The following KCNQ1 variants were observed in gnomAD, a reference collection of about 807,000 sequenced individuals.
The protein encoded by KCNQ1 is potassium voltage-gated channel subfamily KQT member 1.
A neutral mutation model predicts 72.4 loss-of-function variants in KCNQ1; 49 were observed. The ratio of observed to expected loss-of-function variants is 0.68; its 90% CI spans 0.54 to 0.86. The LOEUF is 0.86. KCNQ1 is among the 40% of genes least tolerant of loss of function. The pLI, the probability that KCNQ1 is intolerant of heterozygous loss-of-function variation, is 0.00. For missense variants in KCNQ1, 790 were observed against 945.1 expected, an observed-to-expected ratio of 0.84 and a Z score of 2.15; for synonymous variants, 450 against 412.6, an observed-to-expected ratio of 1.09 and a Z score of -1.10.
In KCNQ1 at chr11:2,454,340, C is replaced by A. The variant is rs909815154; in HGVS notation, c.386+8856C>A. On this transcript the variant is annotated intron_variant, in intron 1 of 15. Transcript: ENST00000155840. ...TAATTTTTAAAAAGCTGTTCGTAAT[C>A]GCTTGGTGAAAAATCCCTAAATAAA... 2.0e-5 allele frequency among the ~76,000 whole-genome samples: 3 copies of A among 152,138 alleles called. No individual in the cohort carries two copies. The East Asian group carries it at 5.8e-4, about 29-fold the overall frequency.
intron 2 of KCNQ1, among the ~76,000 whole-genome samples, chr11:2,528,592 AG>A (rs1394559961): frequency 1.3e-5 from 2 of 152,210 alleles, no homozygotes; most frequent in African/African-American, 4.8e-5. Context: ...GGTGGGGTGC[AG>A]GGGGCCAGCT....
intron 2 of KCNQ1, among the ~76,000 whole-genome samples, chr11:2,542,813 C>T (rs923194860): frequency 2.6e-5 from 4 of 152,184 alleles, no homozygotes; most frequent in African/African-American, 7.2e-5. Context: ...ATTGTACGGA[C>T]GCATTGCAGT....
Position 2,536,110 on chromosome 11 carries a change from C to T in KCNQ1, c.477+8092C>T, listed in dbSNP as rs540297035. ...GCCACCCAGCCCCATGCACAGGCCA[C>T]GCGGCGACAGGGGCTGCTGAAGGAA... On this transcript the variant is annotated intron_variant, in intron 2 of 15. Coordinates refer to ENST00000155840, the MANE Select transcript of KCNQ1 (RefSeq NM_000218.3). The surrounding 1 kb of genome is among the most constrained non-coding windows in gnomAD (Gnocchi z 7.4). 5.9e-5 allele frequency among the ~76,000 whole-genome samples: 9 copies of T among 152,324 alleles called. No individual in the cohort carries two copies. The highest frequency in any genetic ancestry group is 1.7e-4 in the African/African-American group (7 of 41,584).
intron 15 of KCNQ1, among the ~76,000 whole-genome samples, chr11:2,801,857 G>A (rs1323240420): frequency 6.6e-6 from 1 of 152,212 alleles, no homozygotes; most frequent in Non-Finnish European, 1.5e-5. Context: ...GCAGTGACAG[G>A]GATGGTGTCC....
chr11:2,619,429 TC>T (rs1849126797), intron 10 of KCNQ1: 2 of 398,606 alleles, frequency 5.0e-6, no homozygotes, highest in Non-Finnish European at 8.8e-6. Flanking sequence ...ATTGAGATGA[TC>T]ATGTGGTTTT....
Position 2,830,148 on chromosome 11 carries a change from G to A in KCNQ1, c.1795-17619G>A, listed in dbSNP as rs1847917888. Among the ~76,000 whole-genome samples, 1 of 152,170 alleles carries A rather than the reference G, an allele frequency of 6.6e-6. No homozygotes were observed. Among genetic ancestry groups the A allele is most frequent in the African/African-American group, 2.4e-5 (1 of 41,436 alleles). On this transcript the variant is annotated intron_variant, in intron 15 of 15. Transcript: ENST00000155840. This position sits in a 1 kb window ranked among gnomAD's most constrained non-coding sequence, Gnocchi z 7.7. ...CACCCTGGCTGGGAACAGCAGGTGT[G>A]TGGTGAAGGGGAAAGACCAGCAGGC...
At chr11:2,700,772 A>T (rs980496676) in intron 11 of KCNQ1, among the ~76,000 whole-genome samples, 1 of 129,718 alleles carries the variant, frequency 7.7e-6, no homozygotes, top group Non-Finnish European at 1.7e-5. Flanking sequence ...CGCCCTGCCC[A>T]CCTCCCATCC....
chr11:2,727,967 C>T (rs949392410), intron 11 of KCNQ1, among the ~76,000 whole-genome samples: 6 of 152,238 alleles, frequency 3.9e-5, no homozygotes, highest in South Asian at 2.1e-4. Context: ...ATATGTGGTG[C>T]AAAATCTAAC....
In KCNQ1 at chr11:2,658,622, C is replaced by T. The variant is rs746232749; in HGVS notation, c.1394-3339C>T. The T allele has an allele frequency of 7.0e-5, 28 of 398,334 alleles. No individual in the cohort carries two copies. The highest frequency in any genetic ancestry group is 1.3e-4 in the Admixed American group (3 of 22,704). 24.7% of individuals were successfully genotyped at this position (398,334 alleles called of 1,614,324 possible). ...TGAATAGAAAACCTGGATCTAGGCA[C>T]GGGGTATGCTCGTGGCTACTAGGGT... On this transcript the variant is annotated intron_variant, in intron 10 of 15. Coordinates refer to ENST00000155840, the MANE Select transcript of KCNQ1 (RefSeq NM_000218.3). The surrounding 1 kb of genome is among the most constrained non-coding windows in gnomAD (Gnocchi z 4.9).
intron 1 of KCNQ1, among the ~76,000 whole-genome samples, chr11:2,502,014 G>A (rs1264556335): frequency 6.6e-6 from 1 of 151,846 alleles, no homozygotes; most frequent in African/African-American, 2.4e-5. Flanking sequence ...CATAAAAACT[G>A]TCAAAAACCT....
Position 2,723,476 on chromosome 11 carries a change from T to C in KCNQ1, c.1515-45368T>C, listed in dbSNP as rs1845705439. Among the ~76,000 whole-genome samples, 1 of 152,190 alleles carries C rather than the reference T, an allele frequency of 6.6e-6. No homozygotes were observed. The highest frequency in any genetic ancestry group is 2.4e-5 in the African/African-American group (1 of 41,444). On this transcript the variant is annotated intron_variant, in intron 11 of 15. Coordinates refer to ENST00000155840, the MANE Select transcript of KCNQ1 (RefSeq NM_000218.3). The surrounding 1 kb of genome is among the most constrained non-coding windows in gnomAD (Gnocchi z 4.2). ...GAGACCAGGTGGTACTTGGCAGCTG[T>C]GGCACGTGGAAGCCCTACACAGGCA... is the stretch of plus-strand genomic sequence containing the variant.
chr11:2,466,348 G>A (rs1036602753), intron 1 of KCNQ1, among the ~76,000 whole-genome samples: 1 of 152,190 alleles, frequency 6.6e-6, no homozygotes, highest in Admixed American at 6.5e-5. Flanking sequence ...CCCTCCCCAG[G>A]CTGGGGTTTG....
chr11:2,743,390 CA>C (rs1455357752), intron 11 of KCNQ1, among the ~76,000 whole-genome samples: 2 of 152,202 alleles, frequency 1.3e-5, no homozygotes, highest in African/African-American at 2.4e-5. Context: ...AGAGCAGGCC[CA>C]CCACCCAACT....
chr11:2,453,060 T>A (rs1412653896), intron 1 of KCNQ1, among the ~76,000 whole-genome samples: 1 of 152,266 alleles, frequency 6.6e-6, no homozygotes, highest in African/African-American at 2.4e-5. Flanking sequence ...AGGAGATTTA[T>A]GTGTTTGACC....
intron 11 of KCNQ1, among the ~76,000 whole-genome samples, chr11:2,708,460 G>A (rs1850948241): frequency 6.6e-6 from 1 of 152,218 alleles, no homozygotes; most frequent in Non-Finnish European, 1.5e-5. Context: ...CCCCCGAGGA[G>A]GGTGGGGCTG....
chr11:2,833,011 C>A (rs1322613509), intron 15 of KCNQ1, among the ~76,000 whole-genome samples: 2 of 152,186 alleles, frequency 1.3e-5, no homozygotes, highest in Non-Finnish European at 2.9e-5. Context: ...GTGGGCAATG[C>A]AGCTGCTGTT....
At position 2,813,997 on chromosome 11, in the gene KCNQ1, G is replaced by C. The variant is rs1847549115; in HGVS notation, c.1795-33770G>C. Reference sequence around the variant, plus strand: ...ATGGAGGGAAGGAGGGCTGAATAAAGAAATGGATGGATGGATGGATGATGG... The same window carrying C: ...ATGGAGGGAAGGAGGGCTGAATAAACAAATGGATGGATGGATGGATGATGG... On this transcript the variant is annotated intron_variant, in intron 15 of 15. Coordinates refer to ENST00000155840, the MANE Select transcript of KCNQ1 (RefSeq NM_000218.3). The surrounding 1 kb of genome is among the most constrained non-coding windows in gnomAD (Gnocchi z 4.4). Among the ~76,000 whole-genome samples the C allele has an allele frequency of 1.4e-5, 2 of 148,068 alleles. No homozygotes were observed. Among genetic ancestry groups the C allele is most frequent in the African/African-American group, 5.2e-5 (2 of 38,486 alleles).
intron 1 of KCNQ1, among the ~76,000 whole-genome samples, chr11:2,466,006 G>A (rs570978069): frequency 3.3e-5 from 5 of 152,346 alleles, no homozygotes; most frequent in East Asian, 3.9e-4. Flanking sequence ...CCAGGGGCCC[G>A]CCCTTCAGGG....
Position 2,525,521 on chromosome 11 carries a change from G to A in KCNQ1, c.387-2407G>A, listed in dbSNP as rs115114231. 2.1e-3 allele frequency among the ~76,000 whole-genome samples: 314 copies of A among 152,392 alleles called. 1 individual carries two copies. The highest frequency in any genetic ancestry group is 7.2e-3 in the African/African-American group (301 of 41,600). The stretch of plus-strand genomic sequence containing the variant: ...ACATCCTGTCCAAGCTGGCCAGGAG[G>A]AGTCCTCAGAGCCAAAGCAGTGTGG... On this transcript the variant is annotated intron_variant, in intron 1 of 15. Transcript: ENST00000155840.
Sources: allele counts gnomAD v4.1 joint callset (sites outside exome capture counted in the v4.1 genomes callset), GRCh38; gene constraint gnomAD v4.1.1; non-coding constraint Gnocchi (gnomAD v3.1); transcripts MANE v1.5; gene names NCBI Gene and HGNC (gene_info 2026-07-23, HGNC 2026-07-21).